RFTN2: variants seen among roughly 807,000 people sequenced by gnomAD.
RFTN2 encodes the protein raftlin family member 2.
In RFTN2, 34 loss-of-function variants were observed where a neutral mutation model predicts 52.7. The observed-to-expected ratio is 0.64, with a 90% CI of 0.49 to 0.86. The LOEUF is 0.86. Among genes scored for constraint, RFTN2 ranks in the 40% least tolerant of loss-of-function variants. The pLI is 0.00. For synonymous variants in RFTN2, 203 were observed against 217.7 expected, an observed-to-expected ratio of 0.93 and a Z score of 0.59; for missense variants, 536 against 600.1, an observed-to-expected ratio of 0.89 and a Z score of 1.12.
At chr2:197,612,462 T>C (rs898969840) in intron 7 of RFTN2, among the ~76,000 whole-genome samples, 3 of 152,200 alleles carry the variant, frequency 2.0e-5, no homozygotes, top group African/African-American at 4.8e-5. Flanking sequence ...CTCCTCCTTC[T>C]CCTTTATTTT....
intron 6 of RFTN2, among the ~76,000 whole-genome samples, chr2:197,617,203 A>C (rs1367866469): frequency 1.3e-5 from 2 of 152,168 alleles, no homozygotes; most frequent in African/African-American, 4.8e-5. Context: ...TTTTTCTTTC[A>C]ATCAGTTGTC....
intron 1 of RFTN2, among the ~76,000 whole-genome samples, chr2:197,658,888 C>A (rs1164292886): frequency 4.6e-5 from 7 of 152,092 alleles, no homozygotes; most frequent in African/African-American, 1.4e-4. Context: ...GAAAACTGTG[C>A]AAAGTGAATG....
At position 197,631,055 on chromosome 2, in the gene RFTN2, C is replaced by T. The variant is rs775104342; in HGVS notation, c.884G>A (p.Gly295Asp). ...LELTTFYYKQ[G>D]LSLIDSFVFW... ...TACAAAAGAATCAATTAAAGACAAG[C>T]CTTGTTTATAATAAAAGGTAGTTAA... Residue 295 changes from glycine (G) to aspartate (D), a missense_variant, in exon 5 of 9, where the codon GGC (glycine) becomes GAC (aspartate). Coordinates refer to ENST00000295049, the MANE Select transcript of RFTN2 (RefSeq NM_144629.3). 4 of 1,612,704 alleles carry T rather than the reference C, an allele frequency of 2.5e-6. No homozygotes were observed. In the South Asian group the frequency reaches 3.3e-5, roughly 13 times the overall value.
At chr2:197,634,781 A>G (rs541193316) in intron 3 of RFTN2, among the ~76,000 whole-genome samples, 12 of 151,086 alleles carry the variant, frequency 7.9e-5, no homozygotes, top group Non-Finnish European at 1.6e-4. Context: ...ACATGTGCAC[A>G]TTGTGCAGGT....
chr2:197,641,802 T>C (rs2088678821), intron 3 of RFTN2, among the ~76,000 whole-genome samples: 1 of 152,232 alleles, frequency 6.6e-6, no homozygotes, highest in African/African-American at 2.4e-5. Flanking sequence ...CTCTTGTTCA[T>C]ACCCGGAGCA....
intron 8 of RFTN2, among the ~76,000 whole-genome samples, chr2:197,590,309 A>G (rs2087682424): frequency 6.6e-6 from 1 of 152,214 alleles, no homozygotes; most frequent in African/African-American, 2.4e-5. Context: ...TAGCTTAGAG[A>G]AAACTGAGGT....
chr2:197,590,940 G>C (rs763517558), intron 8 of RFTN2, among the ~76,000 whole-genome samples: 2 of 152,240 alleles, frequency 1.3e-5, no homozygotes, highest in Non-Finnish European at 2.9e-5. Flanking sequence ...AAGTGGGGAA[G>C]ACGAGCCCAG....
intron 8 of RFTN2, among the ~76,000 whole-genome samples, chr2:197,592,613 A>G (rs2087736702): frequency 6.6e-6 from 1 of 152,214 alleles, no homozygotes; most frequent in Non-Finnish European, 1.5e-5. Flanking sequence ...TGAAATATCT[A>G]CCAACTGTTT....
intron 5 of RFTN2, among the ~76,000 whole-genome samples, chr2:197,619,051 G>T (rs1246839292): frequency 1.3e-5 from 2 of 151,330 alleles, no homozygotes; most frequent in Admixed American, 6.6e-5. Context: ...TGTCCGGGAG[G>T]TGAGGGGTGC....
chr2:197,619,586 C>A (rs1017195201), intron 5 of RFTN2, among the ~76,000 whole-genome samples: 4 of 148,092 alleles, frequency 2.7e-5, no homozygotes, highest in South Asian at 2.1e-4. Context: ...ATCTCAAGTA[C>A]CCAGGGACAC....
At position 197,568,611 on chromosome 2, in the gene RFTN2, T is replaced by C. The variant is rs2087270487; in HGVS notation, c.*3397A>G. 1 of 150,882 alleles carries C rather than the reference T, an allele frequency of 6.6e-6. No individual in the cohort carries two copies. Among genetic ancestry groups the C allele is most frequent in the South Asian group, 2.1e-4 (1 of 4,826 alleles). The allele number at this position is 150,882 out of a possible 1,614,324, so 9.3% of individuals were successfully genotyped here. A position where few individuals can be genotyped will look rare whatever the true frequency, so the allele number is the denominator to read the frequency against. ...ACATTTTTATATAATGTGTTCTTAG[T>C]TATATACTATCCCCATTGTTAGCAA... On this transcript the variant is annotated 3_prime_UTR_variant, in exon 9 of 9. Transcript: ENST00000295049.
At chr2:197,616,224 G>T (rs1277233915) in intron 6 of RFTN2, among the ~76,000 whole-genome samples, 1 of 146,522 alleles carries the variant, frequency 6.8e-6, no homozygotes, top group Non-Finnish European at 1.5e-5. Context: ...TTAGGGCAGT[G>T]GTTCTCGAAA....
chr2:197,607,031 G>A (rs1477015826), intron 7 of RFTN2, among the ~76,000 whole-genome samples: 5 of 152,152 alleles, frequency 3.3e-5, no homozygotes, highest in Non-Finnish European at 5.9e-5. Flanking sequence ...ACATGCACAC[G>A]TATGTTTATT....
chr2:197,575,590 A>G (rs2087397353), intron 8 of RFTN2, among the ~76,000 whole-genome samples: 1 of 151,944 alleles, frequency 6.6e-6, no homozygotes, highest in African/African-American at 2.4e-5. Context: ...GTCTCTGCCC[A>G]GGCAACTTAA....
At chr2:197,658,104 G>A (rs2088918800) in intron 1 of RFTN2, among the ~76,000 whole-genome samples, 1 of 151,908 alleles carries the variant, frequency 6.6e-6, no homozygotes, top group African/African-American at 2.4e-5. Flanking sequence ...TCTTATGCTG[G>A]GGCAGTAATA....
In RFTN2 at chr2:197,576,833, C is replaced by T. The variant is rs983934052; in HGVS notation, c.1234-4553G>A. On this transcript the variant is annotated intron_variant, in intron 8 of 8. Coordinates refer to ENST00000295049, the MANE Select transcript of RFTN2 (RefSeq NM_144629.3). ...CTCATCTTTTTCTTGGCCAAGTTACCGGAGTTGAGCAAGTTTAAGGGAAAA... is the reference window on the plus strand; with the variant it reads ...CTCATCTTTTTCTTGGCCAAGTTACTGGAGTTGAGCAAGTTTAAGGGAAAA... Among the ~76,000 whole-genome samples, 6 of 152,034 alleles carry T rather than the reference C, an allele frequency of 3.9e-5. No individual in the cohort carries two copies. The East Asian group carries it at 5.8e-4, about 15-fold the overall frequency.
At position 197,625,473 on chromosome 2, in the gene RFTN2, C is replaced by T. The variant is rs113154492; in HGVS notation, c.928+5538G>A. The stretch of plus-strand genomic sequence containing the variant: ...GTATTCAACTGCCCAGAGGTGGGCC[C>T]GGGAGCATCTTTGAAGTAGAGGGCA... On this transcript the variant is annotated intron_variant, in intron 5 of 8. Transcript: ENST00000295049. 3.3e-3 allele frequency among the ~76,000 whole-genome samples: 499 copies of T among 152,092 alleles called. 5 individuals carry two copies. The highest frequency in any genetic ancestry group is 0.011 in the African/African-American group (459 of 41,482).
At position 197,571,072 on chromosome 2, in the gene RFTN2, G is replaced by A. The variant is rs538363271; in HGVS notation, c.*936C>T. The A allele has an allele frequency of 9.2e-5, 14 of 152,408 alleles. No homozygotes were observed. In the South Asian group the frequency reaches 1.0e-3, roughly 11 times the overall value. The allele number at this position is 152,408 out of a possible 1,614,324, so 9.4% of individuals were successfully genotyped here. A position where few individuals can be genotyped will look rare whatever the true frequency, so the allele number is the denominator to read the frequency against. On this transcript the variant is annotated 3_prime_UTR_variant, in exon 9 of 9. Coordinates refer to ENST00000295049, the MANE Select transcript of RFTN2 (RefSeq NM_144629.3). The stretch of plus-strand genomic sequence containing the variant: ...CAAAATATGTTATCATACATATCGC[G>A]TGTGCTATGAGCATCTTTCTACTCC...
chr2:197,623,090 A>G (rs1014719718), intron 5 of RFTN2, among the ~76,000 whole-genome samples: 9 of 152,254 alleles, frequency 5.9e-5, no homozygotes, highest in Admixed American at 2.0e-4. Flanking sequence ...TTGACTTTCA[A>G]GTCATATATT....
Sources: allele counts gnomAD v4.1 joint callset (sites outside exome capture counted in the v4.1 genomes callset), GRCh38; gene constraint gnomAD v4.1.1; transcripts MANE v1.5; gene names NCBI Gene and HGNC (gene_info 2026-07-23, HGNC 2026-07-21).